Variants in ITGB8 observed in about 807,000 individuals in gnomAD.
ITGB8 encodes integrin subunit beta 8.
A neutral mutation model predicts 89.5 loss-of-function variants in ITGB8; 30 were observed. The ratio of observed to expected loss-of-function variants is 0.34; its 90% CI spans 0.25 to 0.45. The LOEUF (loss-of-function observed/expected upper bound fraction) is 0.45. Among genes scored for constraint, ITGB8 ranks in the 20% least tolerant of loss-of-function variants. The pLI, the probability that ITGB8 is intolerant of heterozygous loss-of-function variation, is 1.00. For missense variants in ITGB8, 836 were observed against 933.3 expected, an observed-to-expected ratio of 0.90 and a Z score of 1.36; for synonymous variants, 335 against 320.4, an observed-to-expected ratio of 1.05 and a Z score of -0.49.
chr7:20,405,987 T>G, intron 11 of ITGB8, 75 bp from the exon 12 acceptor site: 2 of 886,732 alleles, frequency 2.3e-6, no homozygotes, highest in Non-Finnish European at 3.7e-6. Flanking sequence ...TTTGTCTTTT[T>G]TTTTCTTGCA....
intron 3 of ITGB8, among the ~76,000 whole-genome samples, chr7:20,375,359 CA>C (rs35472382): frequency 4.3e-4 from 62 of 144,656 alleles, no homozygotes; most frequent in Middle Eastern, 3.6e-3. Context: ...ATTCAAATTC[CA>C]AAAAAAAAAG....
In ITGB8 at chr7:20,337,138, A is replaced by G. The variant is rs1012734486; in HGVS notation, c.127+5205A>G. Among the ~76,000 whole-genome samples the G allele has an allele frequency of 2.6e-5, 4 of 152,182 alleles. 1 individual carries two copies. The East Asian group carries it at 7.7e-4, about 29-fold the overall frequency. ...GTCTTGTTTTCAAACTTTCTGTGAC[A>G]ATGATTTCTATTGTTGATAATAAAA... On this transcript the variant is annotated intron_variant, in intron 1 of 13. Coordinates refer to ENST00000222573, the MANE Select transcript of ITGB8 (RefSeq NM_002214.3).
chr7:20,342,044 A>G (rs1375039863), intron 1 of ITGB8, among the ~76,000 whole-genome samples: 1 of 152,182 alleles, frequency 6.6e-6, no homozygotes, highest in African/African-American at 2.4e-5. Context: ...ATTTTCTCCT[A>G]TACTGCGTAA....
chr7:20,335,599 A>G (rs1429299406), intron 1 of ITGB8, among the ~76,000 whole-genome samples: 2 of 152,124 alleles, frequency 1.3e-5, no homozygotes, highest in African/African-American at 2.4e-5. Flanking sequence ...AAACCTTTTT[A>G]TCTCCTATTT....
chr7:20,381,727 A>G lies in ITGB8; in HGVS notation c.802A>G (p.Ser268Gly). The change falls in exon 6 of 14, where the codon AGT (serine) becomes GGT (glycine). Residue 268 changes from serine to glycine, a missense_variant and splice_region_variant. Around this residue, in one of 5 missense-constraint regions of ITGB8, gnomAD observed 192 missense variants for 267.1 expected, o/e 0.72. Coordinates refer to ENST00000222573, the MANE Select transcript of ITGB8 (RefSeq NM_002214.3). Reference protein sequence around the residue: ...DAMLQAAVCESHIGWRKEAKR... With the variant: ...DAMLQAAVCEGHIGWRKEAKR... Reference sequence around the variant, plus strand: ...GTCTAATTACATGTTTATTTTTAAGAGTCATATCGGATGGCGAAAAGAGGC... The same window carrying G: ...GTCTAATTACATGTTTATTTTTAAGGGTCATATCGGATGGCGAAAAGAGGC... The G allele has an allele frequency of 6.2e-7, 1 of 1,601,504 alleles. No individual in the cohort carries two copies. Among genetic ancestry groups the G allele is most frequent in the Non-Finnish European group, 8.5e-7 (1 of 1,174,964 alleles).
intron 6 of ITGB8, among the ~76,000 whole-genome samples, chr7:20,383,211 A>G (rs1246117894): frequency 6.6e-6 from 1 of 152,236 alleles, no homozygotes; most frequent in Admixed American, 6.5e-5. Flanking sequence ...CAATTGTATT[A>G]CCATATGAAA....
chr7:20,382,765 C>T (rs903372893), intron 6 of ITGB8, among the ~76,000 whole-genome samples: 1 of 152,124 alleles, frequency 6.6e-6, no homozygotes, highest in African/African-American at 2.4e-5. Context: ...ACAAATGTAT[C>T]AAGTGTAGAG....
intron 1 of ITGB8, among the ~76,000 whole-genome samples, chr7:20,363,138 T>C (rs1388796922): frequency 1.3e-5 from 2 of 152,210 alleles, no homozygotes; most frequent in African/African-American, 2.4e-5. Flanking sequence ...AGTTAATTAC[T>C]TTATATGCCC....
At chr7:20,338,110 G>C (rs1438267230) in intron 1 of ITGB8, among the ~76,000 whole-genome samples, 1 of 152,216 alleles carries the variant, frequency 6.6e-6, no homozygotes, top group African/African-American at 2.4e-5. Context: ...ACACTGCCCA[G>C]TTCCTAACTA....
chr7:20,402,837 C>T (rs1235451708), intron 10 of ITGB8, among the ~76,000 whole-genome samples: 1 of 152,126 alleles, frequency 6.6e-6, no homozygotes, highest in East Asian at 1.9e-4. Flanking sequence ...AGGTTAGATT[C>T]CAGAAAATCT....
chr7:20,399,978 G>A (rs1004178078), intron 9 of ITGB8, among the ~76,000 whole-genome samples: 1 of 152,086 alleles, frequency 6.6e-6, no homozygotes, highest in African/African-American at 2.4e-5. Flanking sequence ...ATTAATTATT[G>A]CAAGTTTCTA....
At chr7:20,380,540 G>C in intron 4 of ITGB8, 126 bp from the exon 5 acceptor site, 1 of 720,700 alleles carries the variant, frequency 1.4e-6, no homozygotes, top group South Asian at 1.8e-5. Flanking sequence ...GATTTTCGTC[G>C]TATAAAGTTT....
intron 9 of ITGB8, among the ~76,000 whole-genome samples, chr7:20,399,284 AT>A (rs1161203120): frequency 6.6e-6 from 1 of 152,200 alleles, no homozygotes; most frequent in African/African-American, 2.4e-5. Flanking sequence ...CATGACCGGT[AT>A]AAATTAGGAA....
At chr7:20,379,867 C>T (rs1385955278) in intron 4 of ITGB8, 2 of 152,132 alleles carry the variant, frequency 1.3e-5, no homozygotes, top group Non-Finnish European at 2.9e-5. Context: ...ATTTCTGATT[C>T]TAAATAACAT....
At chr7:20,343,602 G>T (rs1784832622) in intron 1 of ITGB8, among the ~76,000 whole-genome samples, 1 of 152,144 alleles carries the variant, frequency 6.6e-6, no homozygotes, top group Non-Finnish European at 1.5e-5. Flanking sequence ...GGATGGAGAA[G>T]CCATCAAAAT....
intron 1 of ITGB8, among the ~76,000 whole-genome samples, chr7:20,361,218 A>G (rs1333244844): frequency 6.6e-6 from 1 of 152,186 alleles, no homozygotes; most frequent in Non-Finnish European, 1.5e-5. Context: ...CTGCCAACAC[A>G]AAAGTCTTAC....
At chr7:20,360,683 G>A (rs545827085) in intron 1 of ITGB8, among the ~76,000 whole-genome samples, 2 of 150,860 alleles carry the variant, frequency 1.3e-5, no homozygotes, top group African/African-American at 2.4e-5. Context: ...ATTTTTTTAC[G>A]GCTGAGTGGT....
intron 3 of ITGB8, among the ~76,000 whole-genome samples, chr7:20,372,513 C>CTGGGATGTCTTGAGT (rs1384262562): frequency 6.6e-6 from 1 of 151,954 alleles, no homozygotes; most frequent in Non-Finnish European, 1.5e-5. Context: ...TTGATTTAAA[C>CTGGGATGTCTTGAGT]TGGGATGTCT....
chr7:20,357,195 C>G (rs1785324903), intron 1 of ITGB8, among the ~76,000 whole-genome samples: 1 of 152,108 alleles, frequency 6.6e-6, no homozygotes, highest in African/African-American at 2.4e-5. Flanking sequence ...TCTAAGAGAT[C>G]TTCAGTAAGC....
Sources: allele counts gnomAD v4.1 joint callset (sites outside exome capture counted in the v4.1 genomes callset), GRCh38; gene constraint gnomAD v4.1.1; regional missense constraint gnomAD v4.1.1; transcripts MANE v1.5; gene names NCBI Gene and HGNC (gene_info 2026-07-23, HGNC 2026-07-21).